Variants in AUTS2 observed in about 807,000 individuals in gnomAD.
AUTS2 encodes activator of transcription and developmental regulator AUTS2.
Under a neutral mutation model 112.4 loss-of-function variants are expected in AUTS2, and 17 were observed. The ratio of observed to expected loss-of-function variants is 0.15; its 90% CI spans 0.10 to 0.23. The LOEUF is 0.23. Among genes scored for constraint, AUTS2 ranks in the 10% least tolerant of loss-of-function variants. The pLI is 1.00. For synonymous variants in AUTS2, 751 were observed against 702.7 expected, an observed-to-expected ratio of 1.07 and a Z score of -1.09; for missense variants, 1,510 against 1,701.6, an observed-to-expected ratio of 0.89 and a Z score of 1.98.
intron 4 of AUTS2, among the ~76,000 whole-genome samples, chr7:70,143,010 T>C (rs1806943937): frequency 6.6e-6 from 1 of 152,212 alleles, no homozygotes; most frequent in Non-Finnish European, 1.5e-5. Flanking sequence ...ATCTTTCAGA[T>C]CAGAGAACTC....
intron 1 of AUTS2, among the ~76,000 whole-genome samples, chr7:69,878,282 G>A (rs531153212): frequency 1.3e-5 from 2 of 152,242 alleles, no homozygotes; most frequent in Non-Finnish European, 2.9e-5. Flanking sequence ...TGGAGGGAGC[G>A]GGGAGGGGAA....
At chr7:70,417,395 T>A (rs1411624425) in intron 4 of AUTS2, among the ~76,000 whole-genome samples, 1 of 152,176 alleles carries the variant, frequency 6.6e-6, no homozygotes, top group Non-Finnish European at 1.5e-5. Flanking sequence ...ACCGTGGCAA[T>A]GGCAGTCATC....
At chr7:70,260,736 A>G (rs1787126808) in intron 4 of AUTS2, among the ~76,000 whole-genome samples, 1 of 150,974 alleles carries the variant, frequency 6.6e-6, no homozygotes, top group Non-Finnish European at 1.5e-5. Context: ...TTACACAAAG[A>G]CCTGTACCCT....
At chr7:70,088,362 C>T (rs139947733) in intron 2 of AUTS2, among the ~76,000 whole-genome samples, 5,866 of 151,970 alleles carry the variant, frequency 0.039, 154 homozygotes, top group Middle Eastern at 0.082. Flanking sequence ...TTCCTGACCT[C>T]GTGATCTTCC....
intron 1 of AUTS2, among the ~76,000 whole-genome samples, chr7:69,857,819 A>T (rs908936047): frequency 2.0e-5 from 3 of 151,616 alleles, no homozygotes; most frequent in Non-Finnish European, 4.4e-5. Flanking sequence ...TCCGTCTCAA[A>T]AAAAAAAAAA....
chr7:70,394,613 A>G (rs1294293344), intron 4 of AUTS2, among the ~76,000 whole-genome samples: 1 of 152,208 alleles, frequency 6.6e-6, no homozygotes, highest in Non-Finnish European at 1.5e-5. Flanking sequence ...GGCCTATTAA[A>G]TGATGATTCT....
chr7:70,673,814 GA>G (rs1347903177), intron 5 of AUTS2, among the ~76,000 whole-genome samples: 2 of 152,162 alleles, frequency 1.3e-5, no homozygotes, highest in Non-Finnish European at 2.9e-5. Flanking sequence ...CTTCTATTTG[GA>G]ATCATCTACT....
At chr7:70,438,865 G>T (rs1015967543) in intron 5 of AUTS2, among the ~76,000 whole-genome samples, 5 of 152,234 alleles carry the variant, frequency 3.3e-5, no homozygotes, top group Admixed American at 6.5e-5. Context: ...CAGGGATGCT[G>T]TTGGAGGCAA....
chr7:70,310,214 A>G (rs900012472), intron 4 of AUTS2, among the ~76,000 whole-genome samples: 1 of 151,636 alleles, frequency 6.6e-6, no homozygotes, highest in Non-Finnish European at 1.5e-5. Flanking sequence ...AAACTGTGAC[A>G]GTGATTGGAG....
At chr7:70,304,825 T>G (rs1789417717) in intron 4 of AUTS2, among the ~76,000 whole-genome samples, 1 of 150,538 alleles carries the variant, frequency 6.6e-6, no homozygotes, top group Non-Finnish European at 1.5e-5. Context: ...TTTGGGATGC[T>G]CAACCTATAA....
chr7:70,561,874 T>A (rs1257495440), intron 5 of AUTS2, among the ~76,000 whole-genome samples: 5 of 152,110 alleles, frequency 3.3e-5, no homozygotes, highest in Non-Finnish European at 1.5e-5. Flanking sequence ...TCCCTTCAAA[T>A]CTTTTGTTGA....
chr7:69,889,709 A>G (rs1412431683), intron 1 of AUTS2, among the ~76,000 whole-genome samples: 1 of 152,196 alleles, frequency 6.6e-6, no homozygotes, highest in Non-Finnish European at 1.5e-5. Context: ...AGAATTACAC[A>G]TCCTCTCAAA....
intron 4 of AUTS2, among the ~76,000 whole-genome samples, chr7:70,377,377 G>GAT (rs1421412741): frequency 4.1e-5 from 3 of 73,604 alleles, no homozygotes; most frequent in Non-Finnish European, 8.6e-5. Flanking sequence ...TATATATAGT[G>GAT]ATATATATAT....
At chr7:69,628,376 A>G (rs1794063744) in intron 1 of AUTS2, among the ~76,000 whole-genome samples, 1 of 152,238 alleles carries the variant, frequency 6.6e-6, no homozygotes, top group African/African-American at 2.4e-5. Flanking sequence ...TGTTTTCTGT[A>G]GCTTCTAGCA....
chr7:70,092,164 CT>C (rs1285008827), intron 2 of AUTS2, among the ~76,000 whole-genome samples: 1 of 133,484 alleles, frequency 7.5e-6, no homozygotes, highest in African/African-American at 2.9e-5. Flanking sequence ...TTATTCCTTC[CT>C]TTTTAATAAA....
At chr7:69,757,983 G>GA (rs1788009927) in intron 1 of AUTS2, among the ~76,000 whole-genome samples, 1 of 152,238 alleles carries the variant, frequency 6.6e-6, no homozygotes, top group Non-Finnish European at 1.5e-5. Context: ...GAATTCTGAA[G>GA]ATACACTTAA....
Position 69,975,121 on chromosome 7 carries a change from G to C in AUTS2, c.522+75623G>C, listed in dbSNP as rs944894467. Among the ~76,000 whole-genome samples, 7 of 151,884 alleles carry C rather than the reference G, an allele frequency of 4.6e-5. 1 individual carries two copies. The highest frequency in any genetic ancestry group is 1.7e-4 in the African/African-American group (7 of 41,382). On this transcript the variant is annotated intron_variant, in intron 2 of 18. Coordinates refer to ENST00000342771, the MANE Select transcript of AUTS2 (RefSeq NM_015570.4). Reference sequence around the variant, plus strand: ...TGTTTGCACTTGATGTAGAATTTTGGTTGACAGTTTCTTTTGTCTTTTTCT... The same window carrying C: ...TGTTTGCACTTGATGTAGAATTTTGCTTGACAGTTTCTTTTGTCTTTTTCT...
intron 1 of AUTS2, among the ~76,000 whole-genome samples, chr7:69,699,361 A>G (rs1797700679): frequency 6.6e-6 from 1 of 152,064 alleles, no homozygotes; most frequent in South Asian, 2.1e-4. Context: ...TAATTTCTTA[A>G]ATAGTGTGTG....
At chr7:69,652,324 C>G (rs985153728) in intron 1 of AUTS2, among the ~76,000 whole-genome samples, 8 of 151,816 alleles carry the variant, frequency 5.3e-5, no homozygotes, top group Non-Finnish European at 1.2e-4. Context: ...GCAAAATAGG[C>G]TGTCTCCTGG....
Sources: allele counts gnomAD v4.1 joint callset (sites outside exome capture counted in the v4.1 genomes callset), GRCh38; gene constraint gnomAD v4.1.1; transcripts MANE v1.5; gene names NCBI Gene and HGNC (gene_info 2026-07-23, HGNC 2026-07-21).